Variants in MAP7D2 observed in about 807,000 individuals in gnomAD.
MAP7D2 encodes MAP7 domain-containing protein 2.
Under a neutral mutation model 63.5 loss-of-function variants are expected in MAP7D2, and 33 were observed. The observed-to-expected ratio is 0.52, with a 90% CI of 0.39 to 0.70. The LOEUF is 0.70. Among genes scored for constraint, MAP7D2 ranks in the 30% least tolerant of loss-of-function variants. MAP7D2 has a pLI of 0.00. For missense variants in MAP7D2, 626 were observed against 604.0 expected, an observed-to-expected ratio of 1.04 and a Z score of -0.38; for synonymous variants, 224 against 223.7, an observed-to-expected ratio of 1.00 and a Z score of -0.01.
intron 10 of MAP7D2, among the ~76,000 whole-genome samples, chrX:20,021,036 C>A (rs1184989027): frequency 8.9e-6 from 1 of 112,029 alleles, no homozygotes; most frequent in Non-Finnish European, 1.9e-5. Context: ...AGCTTTTTAA[C>A]ATGACTTAAA....
chrX:20,032,158 T>A (rs1456190448), intron 8 of MAP7D2, among the ~76,000 whole-genome samples: 3 of 111,978 alleles, frequency 2.7e-5, no homozygotes, highest in African/African-American at 9.7e-5. Flanking sequence ...AAAAAATTGG[T>A]CTAAATTCAA....
chrX:20,044,340 G>A, intron 7 of MAP7D2, 24 bp downstream of exon 7: 1 of 1,201,997 alleles, frequency 8.3e-7, no homozygotes, highest in African/African-American at 1.7e-5. Flanking sequence ...AGAGGAGTGA[G>A]TGGGTGGGTG....
intron 10 of MAP7D2, among the ~76,000 whole-genome samples, chrX:20,023,178 C>T (rs1785141025): frequency 8.9e-6 from 1 of 112,423 alleles, no homozygotes; most frequent in Non-Finnish European, 1.9e-5. Context: ...TAAAACAAGA[C>T]AAAGGGAAAA....
intron 6 of MAP7D2, among the ~76,000 whole-genome samples, chrX:20,047,328 CAT>C (rs758972995): frequency 3.2e-4 from 36 of 112,312 alleles, no homozygotes; most frequent in Non-Finnish European, 5.1e-4. Flanking sequence ...CAGGGAACCA[CAT>C]GAGCCCTTGG....
At chrX:20,024,915 C>T (rs758415471) in intron 10 of MAP7D2, 36 bp downstream of exon 10, 8 of 1,198,081 alleles carry the variant, frequency 6.7e-6, no homozygotes, top group Non-Finnish European at 9.0e-6. Context: ...ACAACAGTTA[C>T]ATGAGATCAC....
At chrX:20,035,678 C>A (rs1038843680) in intron 8 of MAP7D2, among the ~76,000 whole-genome samples, 1 of 110,431 alleles carries the variant, frequency 9.1e-6, no homozygotes, top group Non-Finnish European at 1.9e-5. Flanking sequence ...ATCACAAGGT[C>A]AGGAGATTGA....
rs971179160 is a variant in MAP7D2 at position 20,012,357 on chromosome X, C to A, written c.2064G>T (p.Met688Ile). The A allele has an allele frequency of 1.7e-6, 2 of 1,197,734 alleles. No homozygotes were observed. Among genetic ancestry groups the A allele is most frequent in the Non-Finnish European group, 2.3e-6 (2 of 887,322 alleles). The change falls in exon 15 of 17, where the codon ATG becomes ATT. Residue 688 changes from methionine (M) to isoleucine (I), a missense_variant. By Grantham distance (10) the Met-to-Ile change is conservative. Coordinates refer to ENST00000379643, the MANE Select transcript of MAP7D2 (RefSeq NM_001168465.2). ...AAAAGAAATGAATATACCTCACATC[C>A]ATAGACTGAACTTCTTCAGTTGAAT... The part of the protein sequence containing the change: ...LDDSTEEVQS[M>I]DVSPVSKEEL...
At chrX:20,074,832 C>T (rs757260145) in intron 1 of MAP7D2, among the ~76,000 whole-genome samples, 1 of 111,468 alleles carries the variant, frequency 9.0e-6, no homozygotes, top group Admixed American at 9.6e-5. Flanking sequence ...AGGTGAATCA[C>T]CTGAGGTCAG....
intron 1 of MAP7D2, among the ~76,000 whole-genome samples, chrX:20,095,716 A>G (rs2148509612): frequency 8.9e-6 from 1 of 112,258 alleles, no homozygotes; most frequent in South Asian, 3.7e-4. Flanking sequence ...AGCAACCCCA[A>G]TGTCTACTAA....
intron 3 of MAP7D2, among the ~76,000 whole-genome samples, chrX:20,059,865 T>G (rs781011866): frequency 1.8e-5 from 2 of 111,304 alleles, no homozygotes; most frequent in Non-Finnish European, 3.8e-5. Context: ...CTGGATGAAC[T>G]TGGAGAATCA....
chrX:20,087,672 C>T (rs1486885967), intron 1 of MAP7D2, among the ~76,000 whole-genome samples: 1 of 111,350 alleles, frequency 9.0e-6, no homozygotes, highest in African/African-American at 3.3e-5. Flanking sequence ...ACAAATCTAG[C>T]CTTATTTTCA....
chrX:20,064,875 A>T, intron 1 of MAP7D2, 70 bp from the exon 2 acceptor site: 2 of 951,897 alleles, frequency 2.1e-6, no homozygotes, highest in Non-Finnish European at 3.0e-6. Flanking sequence ...ACTATAGGCA[A>T]CTGGGCATGG....
At chrX:20,034,246 A>C (rs1268523397) in intron 8 of MAP7D2, among the ~76,000 whole-genome samples, 1 of 105,707 alleles carries the variant, frequency 9.5e-6, no homozygotes, top group African/African-American at 3.4e-5. Context: ...AAAAAAAAAA[A>C]AAAAAACAGA....
intron 1 of MAP7D2, among the ~76,000 whole-genome samples, chrX:20,091,672 T>C (rs1227205279): frequency 1.8e-5 from 2 of 111,723 alleles, no homozygotes; most frequent in Admixed American, 9.5e-5. Context: ...AAAAGTACAC[T>C]GTGCTTCTCT....
At chrX:20,013,263 T>C in intron 13 of MAP7D2, 131 bp from the exon 14 acceptor site, 1 of 509,593 alleles carries the variant, frequency 2.0e-6, no homozygotes, top group Non-Finnish European at 3.4e-6. Flanking sequence ...TCTTTAAATC[T>C]TCAGCTGTGT....
Position 20,116,900 on chromosome X carries a change from G to A in MAP7D2, c.-21C>T, listed in dbSNP as rs1202022143. On this transcript the variant is annotated 5_prime_UTR_variant, in exon 1 of 17. Transcript: ENST00000379643. Reference sequence around the variant, plus strand: ...TCCATCGGGATGCGCCGGCCGCACAGGCGCACTGCCAAGCCCGCCGCGCCG... The same window carrying A: ...TCCATCGGGATGCGCCGGCCGCACAAGCGCACTGCCAAGCCCGCCGCGCCG... The A allele has an allele frequency of 1.4e-5, 15 of 1,076,376 alleles. No individual in the cohort carries two copies. The highest frequency in any genetic ancestry group is 8.1e-5 in the East Asian group (2 of 24,747). 88.7% of individuals were successfully genotyped at this position (1,076,376 alleles called of 1,213,427 possible). A position where few individuals can be genotyped will look rare whatever the true frequency, so the allele number is the denominator to read the frequency against.
intron 6 of MAP7D2, among the ~76,000 whole-genome samples, 157 bp from the exon 7 acceptor site, chrX:20,044,681 C>T (rs181646005): frequency 1.3e-4 from 15 of 111,668 alleles, no homozygotes; most frequent in Non-Finnish European, 2.1e-4. Context: ...CCTAAAAAGG[C>T]TCCCATACTC....
At chrX:20,104,482 G>A (rs892182935) in intron 1 of MAP7D2, among the ~76,000 whole-genome samples, 2 of 111,610 alleles carry the variant, frequency 1.8e-5, no homozygotes, top group African/African-American at 6.5e-5. Flanking sequence ...TGTATTTTTA[G>A]TAGAGAGGGG....
intron 8 of MAP7D2, among the ~76,000 whole-genome samples, chrX:20,033,673 T>TA (rs777604798): frequency 1.1e-3 from 128 of 112,191 alleles, no homozygotes; most frequent in African/African-American, 4.0e-3. Flanking sequence ...AAGGTATCAT[T>TA]AATCACATGA....
Sources: gnomAD v4.1 joint callset for allele counts (sites outside exome capture counted in the v4.1 genomes callset) on GRCh38, gnomAD v4.1.1 for gene constraint, MANE v1.5 for transcripts, NCBI Gene and HGNC (gene_info 2026-07-23, HGNC 2026-07-21) for gene names.